Variants in DOCK1 observed in about 807,000 individuals in gnomAD.
The protein encoded by DOCK1 is dedicator of cytokinesis 1, also known as dedicator of cytokinesis protein 1.
Under a neutral mutation model 262.7 loss-of-function variants are expected in DOCK1, and 138 were observed. The ratio of observed to expected loss-of-function variants is 0.53; its 90% CI spans 0.46 to 0.61. The LOEUF (loss-of-function observed/expected upper bound fraction) is 0.61, where lower values mean the gene tolerates loss of function less well. Among genes scored for constraint, DOCK1 ranks in the 20% least tolerant of loss-of-function variants. The pLI is 0.00. For synonymous variants in DOCK1, 866 were observed against 867.4 expected (o/e 1.00, Z 0.03); for missense variants, 1,908 against 2,370.7 (o/e 0.80, Z 4.05).
rs556475972 is a variant in DOCK1 at position 126,907,176 on chromosome 10, G to A, written c.46+1613G>A. Among the ~76,000 whole-genome samples the A allele has an allele frequency of 1.4e-4, 22 of 152,268 alleles. 1 individual carries two copies. The highest frequency in any genetic ancestry group is 5.1e-4 in the African/African-American group (21 of 41,548). ...TCCACCTGAGAATGCTTGGGTTGTG[G>A]CGACAGTGGGGGTCCCTGCGGGGGT... On this transcript the variant is annotated intron_variant, in intron 1 of 51. Coordinates refer to ENST00000623213, the MANE Select transcript of DOCK1 (RefSeq NM_001290223.2).
chr10:127,091,230 G>A (rs1465902495), intron 23 of DOCK1, among the ~76,000 whole-genome samples: 1 of 152,194 alleles, frequency 6.6e-6, no homozygotes, highest in Admixed American at 6.5e-5. Flanking sequence ...CGATCCGCCC[G>A]ACTTGGCCTC....
rs781502196 is a variant in DOCK1 at position 127,433,423 on chromosome 10, C to T, written c.5055C>T (p.Ser1685=). Residue 1685 remains serine (S), a synonymous_variant, in exon 48 of 52, where the codon TCC becomes TCT. Coordinates refer to ENST00000623213, the MANE Select transcript of DOCK1 (RefSeq NM_001290223.2). The part of the protein sequence containing the change: ...SSDSTPSRPG[S]DGFALEPLLP... ...ACAGCACCCCTTCCAGACCAGGCTC[C>T]GACGGGTGAGTCAAGCTCACAGCAG... 1.9e-5 allele frequency: 30 copies of T among 1,613,806 alleles called. No individual in the cohort carries two copies. Among genetic ancestry groups the T allele is most frequent in the South Asian group, 7.7e-5 (7 of 91,070 alleles).
At chr10:127,138,013 G>A (rs767727692) in intron 27 of DOCK1, 56 of 1,607,726 alleles carry the variant, frequency 3.5e-5, no homozygotes, top group Non-Finnish European at 4.7e-5. Context: ...TTAAAATCCA[G>A]CTCCACACTA....
intron 29 of DOCK1, among the ~76,000 whole-genome samples, chr10:127,290,017 G>T (rs573103859): frequency 2.1e-4 from 32 of 150,272 alleles, no homozygotes; most frequent in Middle Eastern, 3.4e-3. Flanking sequence ...CTCTGTTTCT[G>T]TTATGGAGTT....
At position 127,100,149 on chromosome 10, in the gene DOCK1, C is replaced by A. The variant is rs1000009636; in HGVS notation, c.2446-6082C>A. Among the ~76,000 whole-genome samples, 13 of 152,292 alleles carry A rather than the reference C, an allele frequency of 8.5e-5. No individual in the cohort carries two copies. Among genetic ancestry groups the A allele is most frequent in the African/African-American group, 3.1e-4 (13 of 41,570 alleles). ...TGCCACAGTATCTAAATTCCATTTG[C>A]ATTTTCAGAAGGCTGCTCTGGCTGC... On this transcript the variant is annotated intron_variant, in intron 23 of 51. Coordinates refer to ENST00000623213, the MANE Select transcript of DOCK1 (RefSeq NM_001290223.2). The surrounding 1 kb of genome is among the most constrained non-coding windows in gnomAD (Gnocchi z 5.5).
chr10:127,447,018 T>TAGC lies in DOCK1; in HGVS notation c.5414-366_5414-364dup, dbSNP rs1462680888. On this transcript the variant is annotated intron_variant, in intron 50 of 51. Coordinates refer to ENST00000623213, the MANE Select transcript of DOCK1 (RefSeq NM_001290223.2). ...GGGCCTGGCTTGGCTTCGAAAGCAG[T>TAGC]AGCAGCAGCAGCGGAGACGGTCCTG... 3.3e-5 allele frequency among the ~76,000 whole-genome samples: 5 copies of TAGC among 152,254 alleles called. No individual in the cohort carries two copies. The South Asian group carries it at 1.0e-3, about 32-fold the overall frequency.
intron 33 of DOCK1, among the ~76,000 whole-genome samples, chr10:127,372,157 A>G (rs1206933577): frequency 6.6e-6 from 1 of 152,234 alleles, no homozygotes; most frequent in Non-Finnish European, 1.5e-5. Context: ...GGCAAGAATC[A>G]GTACTTCTCT....
intron 12 of DOCK1, among the ~76,000 whole-genome samples, chr10:127,014,367 G>A (rs554474754): frequency 1.3e-3 from 202 of 152,312 alleles, no homozygotes; most frequent in Middle Eastern, 0.01. Context: ...TGTGAGAAAA[G>A]CATTTAAAAC....
intron 26 of DOCK1, among the ~76,000 whole-genome samples, chr10:127,126,649 C>A (rs1185338428): frequency 6.6e-6 from 1 of 152,176 alleles, no homozygotes; most frequent in Non-Finnish European, 1.5e-5. Flanking sequence ...TCCCAACATA[C>A]CATTCCTGTT....
At chr10:127,069,653 G>C (rs972653073) in intron 23 of DOCK1, among the ~76,000 whole-genome samples, 16 of 152,102 alleles carry the variant, frequency 1.1e-4, no homozygotes, top group African/African-American at 3.6e-4. Context: ...GACCGTCTAG[G>C]TCACATTGTC....
intron 33 of DOCK1, among the ~76,000 whole-genome samples, chr10:127,363,305 T>A (rs2064699463): frequency 6.6e-6 from 1 of 151,912 alleles, no homozygotes; most frequent in East Asian, 1.9e-4. Flanking sequence ...AGCTCAGGAG[T>A]TCGAGACCAG....
chr10:127,086,334 AG>A (rs543595175), intron 23 of DOCK1, among the ~76,000 whole-genome samples: 164 of 152,032 alleles, frequency 1.1e-3, no homozygotes, highest in Non-Finnish European at 1.7e-3. Context: ...CCAGGAGCTG[AG>A]TAACCTTCTC....
intron 1 of DOCK1, among the ~76,000 whole-genome samples, chr10:126,945,453 GAA>G (rs1349836931): frequency 2.6e-5 from 4 of 151,134 alleles, no homozygotes; most frequent in Non-Finnish European, 5.9e-5. Context: ...GGGAGAAGGG[GAA>G]AGAGAGAGAG....
In DOCK1 at chr10:127,093,025, G is replaced by A. The variant is rs77001595; in HGVS notation, c.2446-13206G>A. Among the ~76,000 whole-genome samples the A allele has an allele frequency of 4.9e-4, 74 of 152,154 alleles. 3 individuals carry two copies. The East Asian group carries it at 0.012, about 25-fold the overall frequency. ...CCAAGAGCAAGGCATCACCAGGGCC[G>A]TGCCCTCTCTGAAGGCTCTAGAAGG... On this transcript the variant is annotated intron_variant, in intron 23 of 51. Coordinates refer to ENST00000623213, the MANE Select transcript of DOCK1 (RefSeq NM_001290223.2).
intron 16 of DOCK1, among the ~76,000 whole-genome samples, chr10:127,028,785 A>C (rs557115578): frequency 5.3e-5 from 8 of 152,244 alleles, no homozygotes; most frequent in Non-Finnish European, 1.2e-4. Flanking sequence ...ATGTGAGCGG[A>C]GGGTGCTGGT....
intron 27 of DOCK1, among the ~76,000 whole-genome samples, chr10:127,186,491 C>T (rs1054975881): frequency 1.8e-5 from 2 of 110,920 alleles, no homozygotes; most frequent in South Asian, 7.4e-4. Context: ...ATCATGATAA[C>T]AGCATGGGAG....
chr10:126,986,647 T>C (rs1048729119), intron 4 of DOCK1, among the ~76,000 whole-genome samples: 1 of 152,182 alleles, frequency 6.6e-6, no homozygotes, highest in African/African-American at 2.4e-5. Context: ...CGGTGGCTCA[T>C]GCCTGTAATC....
chr10:127,317,917 C>T (rs2062354515), intron 29 of DOCK1, among the ~76,000 whole-genome samples: 1 of 152,176 alleles, frequency 6.6e-6, no homozygotes, highest in Non-Finnish European at 1.5e-5. Flanking sequence ...GCTCTGACTT[C>T]ACTCTGTTGA....
At chr10:126,941,103 A>C (rs1425314986) in intron 1 of DOCK1, among the ~76,000 whole-genome samples, 2 of 152,078 alleles carry the variant, frequency 1.3e-5, no homozygotes, top group Non-Finnish European at 2.9e-5. Flanking sequence ...GTCTGGGAGG[A>C]TGACATTCTT....
Sources: allele counts gnomAD v4.1 joint callset (sites outside exome capture counted in the v4.1 genomes callset), GRCh38; gene constraint gnomAD v4.1.1; non-coding constraint Gnocchi (gnomAD v3.1); transcripts MANE v1.5; gene names NCBI Gene and HGNC (gene_info 2026-07-23, HGNC 2026-07-21).